Variants in XIRP2 observed in about 807,000 individuals in gnomAD.
The protein encoded by XIRP2 is xin actin binding repeat containing 2.
A neutral mutation model predicts 277.0 loss-of-function variants in XIRP2; 236 were observed. The observed-to-expected ratio is 0.85, with a 90% CI of 0.77 to 0.95. The LOEUF is 0.95. Ranked by LOEUF, XIRP2 falls within the 40% of genes least tolerant of loss-of-function variation. The pLI is 0.00. For missense variants in XIRP2, 4,640 were observed against 4,157.5 expected (o/e 1.12, Z -3.19); for synonymous variants, 1,490 against 1,416.5 (o/e 1.05, Z -1.17).
chr2:167,035,227 C>T (rs551765720), intron 2 of XIRP2, among the ~76,000 whole-genome samples: 5 of 152,070 alleles, frequency 3.3e-5, no homozygotes, highest in African/African-American at 7.2e-5. Flanking sequence ...AATGTGGAAG[C>T]GACTTTGGAT....
chr2:166,948,186 T>TCAAG, intron 2 of XIRP2, among the ~76,000 whole-genome samples: 1 of 152,226 alleles, frequency 6.6e-6, no homozygotes, highest in South Asian at 2.1e-4. Flanking sequence ...TACAACAACA[T>TCAAG]CAAGTGAACC....
At chr2:167,151,113 T>G (rs1485470350) in intron 3 of XIRP2, among the ~76,000 whole-genome samples, 1 of 152,070 alleles carries the variant, frequency 6.6e-6, no homozygotes, top group Non-Finnish European at 1.5e-5. Context: ...TTCTACAGGT[T>G]TGCAAAGGAA....
chr2:167,253,897 C>T (rs1695585543), intron 9 of XIRP2, 135 bp from the exon 10 acceptor site: 8 of 968,310 alleles, frequency 8.3e-6, no homozygotes, highest in Non-Finnish European at 1.2e-5. Flanking sequence ...TCCAGAGAAA[C>T]ATCATAAGGA....
intron 3 of XIRP2, among the ~76,000 whole-genome samples, chr2:167,170,943 A>C (rs1276332980): frequency 8.3e-6 from 1 of 120,542 alleles, no homozygotes; most frequent in East Asian, 2.4e-4. Flanking sequence ...TCTGTTGCCC[A>C]GGCTGGAGTG....
chr2:167,187,863 G>A (rs1188693867), intron 3 of XIRP2, among the ~76,000 whole-genome samples: 5 of 152,122 alleles, frequency 3.3e-5, no homozygotes, highest in Admixed American at 6.6e-5. Context: ...TGTCATTTAT[G>A]AGCAGAAATG....
At chr2:167,064,429 A>G (rs1361816184) in intron 2 of XIRP2, among the ~76,000 whole-genome samples, 2 of 151,910 alleles carry the variant, frequency 1.3e-5, no homozygotes, top group Admixed American at 6.6e-5. Flanking sequence ...TGTCATGCAA[A>G]TGATTTCTGC....
At chr2:167,091,654 G>A (rs920346523) in intron 2 of XIRP2, among the ~76,000 whole-genome samples, 1 of 151,936 alleles carries the variant, frequency 6.6e-6, no homozygotes, top group Non-Finnish European at 1.5e-5. Flanking sequence ...GGCTTCTATG[G>A]TCTGTTACTT....
At chr2:166,934,901 C>G (rs964322540) in intron 2 of XIRP2, among the ~76,000 whole-genome samples, 2 of 151,950 alleles carry the variant, frequency 1.3e-5, no homozygotes, top group Admixed American at 6.6e-5. Context: ...TGTGGTGGCA[C>G]ACACCTGTAG....
chr2:167,254,624 T>C (rs1274322255), intron 10 of XIRP2, among the ~76,000 whole-genome samples: 1 of 151,914 alleles, frequency 6.6e-6, no homozygotes, highest in Non-Finnish European at 1.5e-5. Flanking sequence ...TGGTTGTAAA[T>C]AAATGGGCTT....
chr2:167,036,727 G>A (rs1272395430), intron 2 of XIRP2, among the ~76,000 whole-genome samples: 2 of 152,102 alleles, frequency 1.3e-5, no homozygotes, highest in African/African-American at 4.8e-5. Context: ...GCCAGGGATG[G>A]AATGATATGG....
intron 3 of XIRP2, among the ~76,000 whole-genome samples, chr2:167,202,816 G>C (rs1272956872): frequency 6.6e-6 from 1 of 152,174 alleles, no homozygotes; most frequent in Non-Finnish European, 1.5e-5. Context: ...GAAGTCCAAA[G>C]TGGGTTTCAC....
chr2:167,098,445 C>T (rs749043492), intron 2 of XIRP2, among the ~76,000 whole-genome samples: 1 of 152,176 alleles, frequency 6.6e-6, no homozygotes, highest in Non-Finnish European at 1.5e-5. Flanking sequence ...TCAGCATTTC[C>T]TCTAACCTTT....
At chr2:167,027,124 G>A (rs548312884) in intron 2 of XIRP2, among the ~76,000 whole-genome samples, 17 of 152,122 alleles carry the variant, frequency 1.1e-4, no homozygotes, top group South Asian at 2.1e-4. Context: ...CATTCTCTCC[G>A]TCACTCTCAG....
At chr2:167,240,146 G>A (rs541787097) in intron 6 of XIRP2, among the ~76,000 whole-genome samples, 181 bp downstream of exon 6, 1 of 152,010 alleles carries the variant, frequency 6.6e-6, no homozygotes, top group Non-Finnish European at 1.5e-5. Flanking sequence ...AGGCGCGGTG[G>A]CTTGCACCTG....
chr2:167,143,005 G>A lies in XIRP2; in HGVS notation c.562+6943G>A, dbSNP rs143927842. The stretch of plus-strand genomic sequence containing the variant: ...GAGAGGAATGGAGGAACAAAGGCAG[G>A]AAGAGAAGTGGGAAAAATAAAGCAG... On this transcript the variant is annotated intron_variant, in intron 3 of 10. Coordinates refer to ENST00000409195, the MANE Select transcript of XIRP2 (RefSeq NM_152381.6). Among the ~76,000 whole-genome samples the A allele has an allele frequency of 5.1e-3, 772 of 152,254 alleles. 3 individuals are homozygous for A. The highest frequency in any genetic ancestry group is 0.01 in the Middle Eastern group (3 of 294).
intron 7 of XIRP2, among the ~76,000 whole-genome samples, chr2:167,241,288 C>A (rs1322657169): frequency 6.6e-6 from 1 of 151,870 alleles, no homozygotes; most frequent in Admixed American, 6.6e-5. Context: ...GATTACATGA[C>A]TATATCTTTA....
At chr2:166,967,325 AG>A (rs1383417397) in intron 2 of XIRP2, among the ~76,000 whole-genome samples, 1 of 151,936 alleles carries the variant, frequency 6.6e-6, no homozygotes, top group African/African-American at 2.4e-5. Context: ...CTCCTTCTCA[AG>A]CTCCTTGGGA....
At position 167,246,051 on chromosome 2, in the gene XIRP2, A is replaced by G. The variant is rs1333327021; in HGVS notation, c.4659A>G (p.Lys1553=). 2.5e-6 allele frequency: 4 copies of G among 1,613,640 alleles called. No homozygotes were observed. The highest frequency in any genetic ancestry group is 3.4e-6 in the Non-Finnish European group (4 of 1,179,782). The part of the protein sequence containing the change: ...EKIEIIGKSI[K]ETLEDLYSQK... ...TAGAAATTATTGGCAAGAGCATTAA[A>G]GAAACCTTAGAAGATCTCTACTCTC... The change falls in exon 9 of 11, where the codon AAA becomes AAG. Residue 1553 remains lysine (K), a synonymous_variant. Coordinates refer to ENST00000409195, the MANE Select transcript of XIRP2 (RefSeq NM_152381.6).
At chr2:167,169,567 T>C (rs1219632874) in intron 3 of XIRP2, among the ~76,000 whole-genome samples, 1 of 152,142 alleles carries the variant, frequency 6.6e-6, no homozygotes, top group African/African-American at 2.4e-5. Context: ...CTAAGAAGAG[T>C]TGATTTTTCA....
Sources: allele counts gnomAD v4.1 joint callset (sites outside exome capture counted in the v4.1 genomes callset), GRCh38; gene constraint gnomAD v4.1.1; transcripts MANE v1.5; gene names NCBI Gene and HGNC (gene_info 2026-07-23, HGNC 2026-07-21).